The following RALYL variants were observed in gnomAD, a reference collection of about 807,000 sequenced individuals.
The protein encoded by RALYL is RNA-binding Raly-like protein.
RALYL carries 29 observed loss-of-function variants against 35.1 expected under a neutral mutation model. The observed-to-expected ratio is 0.83, with a 90% confidence interval of 0.61 to 1.13. RALYL has a LOEUF of 1.13. Ranked by LOEUF, RALYL falls within the 50% of genes most tolerant of loss-of-function variation. RALYL has a pLI of 0.00. For missense variants in RALYL, 359 were observed against 360.4 expected, an observed-to-expected ratio of 1.00 and a Z score of 0.03; for synonymous variants, 120 against 127.6, an observed-to-expected ratio of 0.94 and a Z score of 0.40.
chr8:84,328,943 C>T (rs1009634892), intron 1 of RALYL, among the ~76,000 whole-genome samples: 2 of 152,104 alleles, frequency 1.3e-5, no homozygotes, highest in Non-Finnish European at 1.5e-5. Flanking sequence ...TGATTTCATT[C>T]GTTTTAAGGT....
intron 2 of RALYL, among the ~76,000 whole-genome samples, chr8:84,734,740 G>T (rs1331788842): frequency 6.6e-6 from 1 of 151,738 alleles, no homozygotes; most frequent in Non-Finnish European, 1.5e-5. Flanking sequence ...AAATCTATGA[G>T]GTATACATTA....
chr8:84,471,218 TG>T (rs1333338461), intron 1 of RALYL, among the ~76,000 whole-genome samples: 1 of 152,184 alleles, frequency 6.6e-6, no homozygotes, highest in Non-Finnish European at 1.5e-5. Flanking sequence ...GCAAAGTTAT[TG>T]CTATTAAGAG....
chr8:84,519,070 C>A (rs1271562772), intron 1 of RALYL, among the ~76,000 whole-genome samples: 1 of 152,132 alleles, frequency 6.6e-6, no homozygotes, highest in African/African-American at 2.4e-5. Flanking sequence ...ACATTGCTGT[C>A]TTCATATACT....
intron 1 of RALYL, among the ~76,000 whole-genome samples, chr8:84,504,756 G>A (rs2057016968): frequency 6.6e-6 from 1 of 152,052 alleles, no homozygotes; most frequent in Non-Finnish European, 1.5e-5. Context: ...ACACTTTATG[G>A]AGTGTTGAGA....
At chr8:84,694,372 T>TA (rs199726647) in intron 2 of RALYL, among the ~76,000 whole-genome samples, 2 of 151,898 alleles carry the variant, frequency 1.3e-5, no homozygotes, top group South Asian at 2.1e-4. Context: ...CATAGCATCA[T>TA]AAAAAATATA....
intron 1 of RALYL, among the ~76,000 whole-genome samples, chr8:84,456,550 A>T (rs1273531883): frequency 1.3e-5 from 2 of 152,024 alleles, no homozygotes; most frequent in East Asian, 3.9e-4. Flanking sequence ...AAGAAAAAAA[A>T]AGGTGAATGA....
At chr8:84,751,209 G>T (rs1809903279) in intron 2 of RALYL, among the ~76,000 whole-genome samples, 1 of 151,904 alleles carries the variant, frequency 6.6e-6, no homozygotes, top group Non-Finnish European at 1.5e-5. Context: ...AAAATGCTCT[G>T]GTTTATGCTT....
Position 84,191,182 on chromosome 8 carries a change from TTGTGTGTGTGTG to T in RALYL, c.-24+6778_-24+6789del, listed in dbSNP as rs36011671. On this transcript the variant is annotated intron_variant, in intron 1 of 8. Transcript: ENST00000521268. ...TTGTATGTGTCGTGTGTGTGTGTGA[TTGTGTGTGTGTG>T]TGTGTGTGTGTGTGTGTGTACAGTG... is the stretch of plus-strand genomic sequence containing the variant. 7.5e-5 allele frequency among the ~76,000 whole-genome samples: 11 copies of T among 145,798 alleles called. No individual in the cohort carries two copies. In the South Asian group the frequency reaches 1.8e-3, roughly 24 times the overall value.
intron 2 of RALYL, among the ~76,000 whole-genome samples, chr8:84,551,386 G>T (rs888521414): frequency 2.0e-5 from 3 of 152,122 alleles, no homozygotes; most frequent in Non-Finnish European, 4.4e-5. Flanking sequence ...AGAATCATTT[G>T]AATTCAAATC....
intron 2 of RALYL, among the ~76,000 whole-genome samples, chr8:84,703,499 TG>T (rs1240332003): frequency 6.6e-6 from 1 of 151,968 alleles, no homozygotes; most frequent in African/African-American, 2.4e-5. Context: ...GGCTGGAGGG[TG>T]GGGGCTTCTT....
intron 6 of RALYL, 148 bp from the exon 7 acceptor site, chr8:84,873,136 G>T: frequency 2.1e-6 from 1 of 482,786 alleles, no homozygotes; most frequent in East Asian, 3.2e-5. Flanking sequence ...AGGATCACTA[G>T]AAGTAATGTG....
chr8:84,396,108 T>G (rs1218906659), intron 1 of RALYL, among the ~76,000 whole-genome samples: 1 of 152,002 alleles, frequency 6.6e-6, no homozygotes, highest in East Asian at 1.9e-4. Context: ...TTCAAAAACT[T>G]ATATTGTTTA....
At chr8:84,261,120 T>A (rs1266942855) in intron 1 of RALYL, among the ~76,000 whole-genome samples, 3 of 150,290 alleles carry the variant, frequency 2.0e-5, no homozygotes, top group African/African-American at 7.4e-5. Flanking sequence ...TTTTTTTTTA[T>A]AATTTACTCT....
At chr8:84,537,902 C>T (rs1488558800) in intron 2 of RALYL, among the ~76,000 whole-genome samples, 1 of 152,188 alleles carries the variant, frequency 6.6e-6, no homozygotes, top group Non-Finnish European at 1.5e-5. Context: ...CTTAATTCTA[C>T]TTCCAAGGTT....
At chr8:84,524,729 A>C (rs905974538) in intron 1 of RALYL, among the ~76,000 whole-genome samples, 1 of 152,170 alleles carries the variant, frequency 6.6e-6, no homozygotes, top group Non-Finnish European at 1.5e-5. Flanking sequence ...GGCTTTATTT[A>C]TTCTGATCAC....
At chr8:84,695,838 A>G (rs1839013901) in intron 2 of RALYL, among the ~76,000 whole-genome samples, 1 of 151,822 alleles carries the variant, frequency 6.6e-6, no homozygotes, top group South Asian at 2.1e-4. Context: ...TATTCCACTG[A>G]ACTTTCTACC....
At chr8:84,739,524 G>T (rs888514931) in intron 2 of RALYL, among the ~76,000 whole-genome samples, 1 of 151,746 alleles carries the variant, frequency 6.6e-6, no homozygotes, top group African/African-American at 2.4e-5. Flanking sequence ...CAATTGTTGA[G>T]CAGGAAAGAG....
intron 1 of RALYL, among the ~76,000 whole-genome samples, chr8:84,499,091 C>T (rs1446419897): frequency 3.5e-5 from 5 of 143,734 alleles, no homozygotes; most frequent in East Asian, 2.1e-4. Context: ...CATCTGTTTT[C>T]TTTTTTTTTT....
chr8:84,470,344 A>G (rs1262331361), intron 1 of RALYL, among the ~76,000 whole-genome samples: 1 of 152,130 alleles, frequency 6.6e-6, no homozygotes, highest in East Asian at 1.9e-4. Context: ...TCCCAAGGGC[A>G]TGTTTTTCAA....
Sources: allele counts gnomAD v4.1 joint callset (sites outside exome capture counted in the v4.1 genomes callset), GRCh38; gene constraint gnomAD v4.1.1; transcripts MANE v1.5; gene names NCBI Gene and HGNC (gene_info 2026-07-23, HGNC 2026-07-21).